Variants in ARHGEF17 observed in about 807,000 individuals in gnomAD.
The protein encoded by ARHGEF17 is Rho guanine nucleotide exchange factor 17, also known as 164 kDa Rho-specific guanine-nucleotide exchange factor.
ARHGEF17 carries 80 observed loss-of-function variants against 174.0 expected under a neutral mutation model. The ratio of observed to expected loss-of-function variants is 0.46; its 90% CI spans 0.38 to 0.55. ARHGEF17 has a LOEUF of 0.55. Among genes scored for constraint, ARHGEF17 ranks in the 20% least tolerant of loss-of-function variants. ARHGEF17 has a pLI of 0.00. For missense variants in ARHGEF17, 2,886 were observed against 2,839.7 expected, an observed-to-expected ratio of 1.02 and a Z score of -0.37; for synonymous variants, 1,311 against 1,189.1, an observed-to-expected ratio of 1.10 and a Z score of -2.11.
chr11:73,308,496 C>T lies in ARHGEF17; in HGVS notation c.-143C>T, dbSNP rs1225853578. On this transcript the variant is annotated 5_prime_UTR_variant, in exon 1 of 21. Transcript: ENST00000263674. Reference sequence around the variant, plus strand: ...GAAACTTGAGCCGCGGCAGAGAAACCTCTGCTCCGGTCTCTGCGTCCTCTT... The same window carrying T: ...GAAACTTGAGCCGCGGCAGAGAAACTTCTGCTCCGGTCTCTGCGTCCTCTT... The T allele has an allele frequency of 5.4e-6, 4 of 741,176 alleles. No individual in the cohort carries two copies. The highest frequency in any genetic ancestry group is 3.1e-5 in the South Asian group (1 of 31,980). The allele number at this position is 741,176 out of a possible 1,614,324, so 45.9% of individuals were successfully genotyped here. A position where few individuals can be genotyped will look rare whatever the true frequency, so the allele number is the denominator to read the frequency against.
Position 73,310,449 on chromosome 11 carries a change from G to T in ARHGEF17, c.1811G>T (p.Arg604Leu). ...CGCCAGGTTTTTGAGAAGATCCAGC[G>T]CATGGGTGCCCAACAAGATGATGGA... ...EARQVFEKIQ[R>L]MGAQQDDGSD... The change falls in exon 1 of 21, where the codon CGC (arginine) becomes CTC (leucine). Residue 604 changes from arginine to leucine, a missense_variant. Physicochemically the swap from Arg to Leu is moderately radical, Grantham distance 102. Around this residue, in one of 4 missense-constraint regions of ARHGEF17, gnomAD observed 1,728 missense variants for 1,461.2 expected, o/e 1.18. Coordinates refer to ENST00000263674, the MANE Select transcript of ARHGEF17 (RefSeq NM_014786.4). The T allele has an allele frequency of 6.2e-7, 1 of 1,613,996 alleles. No homozygotes were observed. The highest frequency in any genetic ancestry group is 8.5e-7 in the Non-Finnish European group (1 of 1,180,030).
rs1865753153 is a variant in ARHGEF17 at position 73,362,236 on chromosome 11, A to C, written c.4691A>C (p.His1564Pro). 6.5e-7 allele frequency: 1 copy of C among 1,535,172 alleles called. No homozygotes were observed. ...GAVPGLQPRCHREPPPSLRSP... is the reference protein window; with the variant it reads ...GAVPGLQPRCPREPPPSLRSP... The stretch of plus-strand genomic sequence containing the variant: ...GTGCCCGGGCTGCAGCCTCGCTGCC[A>C]CCGGTGAGGCCTGGGCGGCGGGGTG... Residue 1564 changes from histidine to proline, a missense_variant, in exon 13 of 21, where the codon CAC becomes CCC. Coordinates refer to ENST00000263674, the MANE Select transcript of ARHGEF17 (RefSeq NM_014786.4).
intron 1 of ARHGEF17, among the ~76,000 whole-genome samples, chr11:73,334,078 C>T (rs1227357496): frequency 2.0e-5 from 3 of 152,186 alleles, no homozygotes; most frequent in African/African-American, 4.8e-5. Context: ...CAGAAGTGCA[C>T]CCTCCCTTTT....
At chr11:73,353,699 A>C (rs892424400) in intron 3 of ARHGEF17, among the ~76,000 whole-genome samples, 1 of 151,816 alleles carries the variant, frequency 6.6e-6, no homozygotes, top group African/African-American at 2.4e-5. Context: ...ACTGCCTCTC[A>C]CCACAGGCCA....
chr11:73,355,239 T>C (rs1018647278), intron 3 of ARHGEF17, among the ~76,000 whole-genome samples: 5 of 152,180 alleles, frequency 3.3e-5, no homozygotes, highest in African/African-American at 9.7e-5. Context: ...AATGCCCAGT[T>C]GGAAGTGAGA....
chr11:73,365,508 C>T lies in ARHGEF17; in HGVS notation c.5669C>T (p.Thr1890Ile), dbSNP rs1335513595. ...CACGTGTGTCTCTACCATCCAGACA[C>T]CTTTGAGCAGCTGGCAGAAGTAGAC... is the stretch of plus-strand genomic sequence containing the variant. ...SAHVCLYHPDTFEQLAEVDVT... is the reference protein window; with the variant it reads ...SAHVCLYHPDIFEQLAEVDVT... The change falls in exon 19 of 21, where the codon ACC becomes ATC. Residue 1890 changes from threonine (T) to isoleucine (I), a missense_variant. By Grantham distance (89) the Thr-to-Ile change is moderately conservative. Around this residue, in one of 4 missense-constraint regions of ARHGEF17, gnomAD observed 329 missense variants for 435.2 expected, o/e 0.76. Transcript: ENST00000263674. The surrounding 1 kb of genome is among the most constrained non-coding windows in gnomAD (Gnocchi z 4.9). The T allele has an allele frequency of 1.2e-6, 2 of 1,614,138 alleles. No individual in the cohort carries two copies. The highest frequency in any genetic ancestry group is 1.7e-6 in the Non-Finnish European group (2 of 1,180,034).
intron 1 of ARHGEF17, among the ~76,000 whole-genome samples, chr11:73,336,563 G>T (rs886459957): frequency 6.6e-6 from 1 of 152,242 alleles, no homozygotes; most frequent in African/African-American, 2.4e-5. Flanking sequence ...TCTGGAAGGA[G>T]TGGTGAGGTT....
chr11:73,312,786 C>T (rs535640673), intron 1 of ARHGEF17, among the ~76,000 whole-genome samples: 1 of 152,026 alleles, frequency 6.6e-6, no homozygotes, highest in African/African-American at 2.4e-5. Context: ...CACTCTACCC[C>T]CTTCTTGGTG....
chr11:73,329,352 TA>T (rs1565193618), intron 1 of ARHGEF17, among the ~76,000 whole-genome samples: 749 of 44,620 alleles, frequency 0.017, 134 homozygotes, highest in South Asian at 0.022. Flanking sequence ...TATATATATA[TA>T]TATATATATA....
rs201816888 is a variant in ARHGEF17, at chr11:73,357,069, G to T, written c.3936G>T (p.Thr1312=). 2 of 1,614,160 alleles carry T rather than the reference G, an allele frequency of 1.2e-6. No homozygotes were observed. The highest frequency in any genetic ancestry group is 1.3e-5 in the African/African-American group (1 of 75,038). Residue 1312 remains threonine, a synonymous_variant, in exon 8 of 21, where the codon ACG becomes ACT. Transcript: ENST00000263674. ...AGGACCGGTCTCTCTTCCTGTTCAC[G>T]GACCTCATCGTCTGCACCACTCTGA... ...GKKDRSLFLF[T]DLIVCTTLKR... is the part of the protein sequence containing the mutation.
At position 73,364,597 on chromosome 11, in the gene ARHGEF17, G is replaced by A; in HGVS notation, c.5547G>A (p.Leu1849=). Reference sequence around the variant, plus strand: ...TCCTGAGCCCTGACACGCTGCAGCTGGAGGTAGCAGGGGGTGGGGGAATGG... The same window carrying A: ...TCCTGAGCCCTGACACGCTGCAGCTAGAGGTAGCAGGGGGTGGGGGAATGG... The part of the protein sequence containing the change: ...VLVLSPDTLQ[L]EHMFYVGQDS... Residue 1849 remains leucine, a synonymous_variant, in exon 18 of 21, where the codon CTG becomes CTA. Transcript: ENST00000263674. The A allele has an allele frequency of 1.2e-6, 2 of 1,607,240 alleles. No individual in the cohort carries two copies. Among genetic ancestry groups the A allele is most frequent in the Middle Eastern group, 1.7e-4 (1 of 5,860 alleles).
chr11:73,368,095 G>A lies in ARHGEF17; in HGVS notation c.*315G>A, dbSNP rs1288158020. On this transcript the variant is annotated 3_prime_UTR_variant, in exon 21 of 21. Transcript: ENST00000263674. ...CTGGGTCTGGACCCCACGGGGCTGG[G>A]GAGGGCCATGTGCAATATTTGGAGG... 1 of 300,152 alleles carries A rather than the reference G, an allele frequency of 3.3e-6. No homozygotes were observed. Among genetic ancestry groups the A allele is most frequent in the Admixed American group, 4.7e-5 (1 of 21,274 alleles). 18.6% of individuals were successfully genotyped at this position (300,152 alleles called of 1,614,324 possible). A position where few individuals can be genotyped will look rare whatever the true frequency, so the allele number is the denominator to read the frequency against.
At chr11:73,322,428 G>A (rs1464094633) in intron 1 of ARHGEF17, among the ~76,000 whole-genome samples, 1 of 152,240 alleles carries the variant, frequency 6.6e-6, no homozygotes, top group African/African-American at 2.4e-5. Flanking sequence ...GGGAAGCTGA[G>A]GCCCAGCAAG....
At chr11:73,330,485 A>G (rs772323400) in intron 1 of ARHGEF17, among the ~76,000 whole-genome samples, 5 of 150,196 alleles carry the variant, frequency 3.3e-5, no homozygotes, top group Non-Finnish European at 5.9e-5. Flanking sequence ...TTTTTTCTGG[A>G]TGGTTGGTTT....
Position 73,362,069 on chromosome 11 carries a change from C to CT in ARHGEF17, c.4525dup (p.Cys1509LeufsTer7). On this transcript the variant is annotated frameshift_variant, in exon 13 of 21. Transcript: ENST00000263674. LOFTEE classifies it high-confidence loss of function. ...CCTGTGCGGCTCCCACCCTGAACAG[C>CT]TGCCCGGAGCCCTCGCCTGAGGTAT... The CT allele has an allele frequency of 6.2e-7, 1 of 1,612,856 alleles. No homozygotes were observed.
rs1163503952 is a variant in ARHGEF17 at position 73,365,821 on chromosome 11, C to T, written c.5869C>T (p.Arg1957Trp). 2.5e-6 allele frequency: 4 copies of T among 1,613,396 alleles called. No individual in the cohort carries two copies. Among genetic ancestry groups the T allele is most frequent in the Non-Finnish European group, 3.4e-6 (4 of 1,180,026 alleles). ...PTSPGTVSCP[R>W]APLSPTGLGQ... ...TTCGCCCGGTACTGTCAGCTGCCCACGGGCACCACTCAGTCCCACAGGCCT... is the reference window on the plus strand; with the variant it reads ...TTCGCCCGGTACTGTCAGCTGCCCATGGGCACCACTCAGTCCCACAGGCCT... Residue 1957 changes from arginine to tryptophan, a missense_variant, in exon 20 of 21, where the codon CGG becomes TGG. Transcript: ENST00000263674. The surrounding 1 kb of genome is among the most constrained non-coding windows in gnomAD (Gnocchi z 4.9).
In ARHGEF17 at chr11:73,362,658, C is replaced by G. The variant is rs767115277; in HGVS notation, c.4920C>G (p.Asp1640Glu). 8.7e-6 allele frequency: 14 copies of G among 1,611,572 alleles called. No individual in the cohort carries two copies. In the South Asian group the frequency reaches 1.2e-4, roughly 14 times the overall value. ...PELVPFDSDSDDESSPSPSGT... is the reference protein window; with the variant it reads ...PELVPFDSDSEDESSPSPSGT... Reference sequence around the variant, plus strand: ...TGGTGCCCTTTGACAGTGACTCTGACGATGAGTCTTCGCCCAGCCCCTCGG... The same window carrying G: ...TGGTGCCCTTTGACAGTGACTCTGAGGATGAGTCTTCGCCCAGCCCCTCGG... The change falls in exon 14 of 21, where the codon GAC (aspartate) becomes GAG (glutamate). Residue 1640 changes from aspartate (D) to glutamate (E), a missense_variant. Physicochemically the swap from Asp to Glu is conservative, Grantham distance 45. Around this residue, in one of 4 missense-constraint regions of ARHGEF17, gnomAD observed 476 missense variants for 473.1 expected, o/e 1.01. Transcript: ENST00000263674.
intron 9 of ARHGEF17, among the ~76,000 whole-genome samples, chr11:73,357,930 C>T (rs1457198108): frequency 2.0e-5 from 3 of 152,250 alleles, no homozygotes; most frequent in East Asian, 3.8e-4. Context: ...GAGGGGAGCT[C>T]ACCTGGAGCT....
At chr11:73,340,941 G>A (rs893031800) in intron 1 of ARHGEF17, among the ~76,000 whole-genome samples, 4 of 152,228 alleles carry the variant, frequency 2.6e-5, no homozygotes, top group Non-Finnish European at 5.9e-5. Context: ...CCAGTTGGGA[G>A]GGTAAGAGGC....
Sources: allele counts gnomAD v4.1 joint callset (sites outside exome capture counted in the v4.1 genomes callset), GRCh38; gene constraint gnomAD v4.1.1; regional missense constraint gnomAD v4.1.1; non-coding constraint Gnocchi (gnomAD v3.1); transcripts MANE v1.5; gene names NCBI Gene and HGNC (gene_info 2026-07-23, HGNC 2026-07-21).